Variants in LRP1B observed in about 807,000 individuals in gnomAD.
LRP1B encodes the protein LDL receptor related protein 1B.
In LRP1B, 217 loss-of-function variants were observed where a neutral mutation model predicts 556.6. The observed-to-expected ratio is 0.39, with a 90% CI of 0.35 to 0.44. The LOEUF is 0.44. LRP1B is among the 20% of genes least tolerant of loss of function. The pLI is 1.00. For synonymous variants in LRP1B, 2,047 were observed against 1,865.8 expected (o/e 1.10, Z -2.50); for missense variants, 5,053 against 5,620.8 (o/e 0.90, Z 3.23).
At chr2:140,572,704 T>C (rs1432274425) in intron 43 of LRP1B, among the ~76,000 whole-genome samples, 2 of 151,490 alleles carry the variant, frequency 1.3e-5, no homozygotes, top group East Asian at 3.9e-4. Context: ...CTATTCACAA[T>C]AGCCGAAATA....
chr2:140,802,840 G>A (rs1416281492), intron 32 of LRP1B, among the ~76,000 whole-genome samples: 1 of 152,120 alleles, frequency 6.6e-6, no homozygotes, highest in Non-Finnish European at 1.5e-5. Context: ...ACCCTCAAAG[G>A]TGCAGTTTTC....
intron 2 of LRP1B, among the ~76,000 whole-genome samples, chr2:141,544,649 A>G (rs1051224198): frequency 3.3e-5 from 5 of 151,156 alleles, no homozygotes; most frequent in African/African-American, 4.9e-5. Context: ...ATCCAGCACC[A>G]CTCAGTTTTC....
intron 79 of LRP1B, among the ~76,000 whole-genome samples, chr2:140,334,000 A>AAAAC (rs1553449061): frequency 7.3e-5 from 11 of 151,672 alleles, no homozygotes; most frequent in African/African-American, 1.2e-4. Flanking sequence ...AAAAGGCAAA[A>AAAAC]AAAACAAAAC....
chr2:140,317,509 G>T lies in LRP1B; in HGVS notation c.12641-2410C>A, dbSNP rs1684577086. Among the ~76,000 whole-genome samples, 3 of 149,894 alleles carry T rather than the reference G, an allele frequency of 2.0e-5. No individual in the cohort carries two copies. In the South Asian group the frequency reaches 6.2e-4, roughly 31 times the overall value. On this transcript the variant is annotated intron_variant, in intron 82 of 90. Transcript: ENST00000389484. ...TGATGGGAAATGGAGGGGTAGTTTT[G>T]AGGTGGCATACTAAATTGAAGATGC... is the stretch of plus-strand genomic sequence containing the variant.
At chr2:142,095,483 A>AT (rs1336163417) in intron 1 of LRP1B, among the ~76,000 whole-genome samples, 2 of 151,604 alleles carry the variant, frequency 1.3e-5, no homozygotes, top group Admixed American at 6.6e-5. Context: ...GTATCCTTTA[A>AT]TTTTTTTCAT....
chr2:141,801,076 T>C (rs1695990580), intron 2 of LRP1B, among the ~76,000 whole-genome samples: 1 of 152,164 alleles, frequency 6.6e-6, no homozygotes, highest in African/African-American at 2.4e-5. Flanking sequence ...CATTTCTTTT[T>C]ACTGTCAAAT....
intron 1 of LRP1B, among the ~76,000 whole-genome samples, chr2:141,835,048 C>A (rs1274452620): frequency 3.3e-5 from 5 of 151,836 alleles, no homozygotes; most frequent in African/African-American, 1.2e-4. Context: ...TAAATAGAAA[C>A]AATGTTACCA....
At chr2:140,651,383 G>A (rs1167580511) in intron 41 of LRP1B, among the ~76,000 whole-genome samples, 8 of 146,172 alleles carry the variant, frequency 5.5e-5, no homozygotes, top group East Asian at 2.1e-4. Context: ...GGATAGCATC[G>A]GGAGATATAC....
intron 35 of LRP1B, among the ~76,000 whole-genome samples, chr2:140,734,680 C>A (rs1687886185): frequency 6.6e-6 from 1 of 152,092 alleles, no homozygotes; most frequent in Admixed American, 6.6e-5. Flanking sequence ...CAGATGGTCC[C>A]AGCTTCTGTG....
In LRP1B at chr2:140,701,691, C is replaced by T. The variant is rs372770885; in HGVS notation, c.6427+30G>A. ...TTGGAGAGAAATCACATAAAATATA[C>T]ATATTATGTATTCTTTCAAGAGTGC... On this transcript the variant is annotated intron_variant, in intron 40 of 90. Coordinates refer to ENST00000389484, the MANE Select transcript of LRP1B (RefSeq NM_018557.3). The T allele has an allele frequency of 2.1e-5, 33 of 1,581,012 alleles. No homozygotes were observed. The African/African-American group carries it at 3.4e-4, about 16-fold the overall frequency.
At chr2:140,956,808 C>T (rs889241314) in intron 18 of LRP1B, among the ~76,000 whole-genome samples, 1 of 151,562 alleles carries the variant, frequency 6.6e-6, no homozygotes, top group African/African-American at 2.4e-5. Flanking sequence ...GACTGTATTG[C>T]CAATTAATGT....
At chr2:140,904,931 C>T (rs1300414625) in intron 22 of LRP1B, among the ~76,000 whole-genome samples, 1 of 152,074 alleles carries the variant, frequency 6.6e-6, no homozygotes, top group Non-Finnish European at 1.5e-5. Flanking sequence ...CTAATCCTAT[C>T]TGTGGAATGA....
chr2:141,657,779 T>C (rs569675355), intron 2 of LRP1B, among the ~76,000 whole-genome samples: 1 of 152,318 alleles, frequency 6.6e-6, no homozygotes, highest in African/African-American at 2.4e-5. Flanking sequence ...GATCAATCTA[T>C]AGTTTTATAG....
At chr2:141,635,047 A>ACACACAC (rs35004868) in intron 2 of LRP1B, among the ~76,000 whole-genome samples, 69 of 150,026 alleles carry the variant, frequency 4.6e-4, no homozygotes, top group African/African-American at 1.6e-3. Flanking sequence ...ACTATAGTGA[A>ACACACAC]ACACACACAC....
intron 23 of LRP1B, among the ~76,000 whole-genome samples, chr2:140,897,360 A>C (rs555008477): frequency 6.6e-6 from 1 of 152,288 alleles, no homozygotes; most frequent in East Asian, 1.9e-4. Flanking sequence ...CACAGTAACC[A>C]TAACCTGTCT....
chr2:141,815,103 G>A (rs1460201286), intron 1 of LRP1B, among the ~76,000 whole-genome samples: 1 of 152,124 alleles, frequency 6.6e-6, no homozygotes, highest in Non-Finnish European at 1.5e-5. Flanking sequence ...AGAGAGACTA[G>A]AGGCCCAAGA....
At chr2:140,934,033 T>A (rs1451935911) in intron 20 of LRP1B, among the ~76,000 whole-genome samples, 3 of 152,110 alleles carry the variant, frequency 2.0e-5, no homozygotes, top group African/African-American at 7.2e-5. Context: ...AGTGGTATTA[T>A]ATTCTAAGGA....
At chr2:141,135,392 T>C (rs1358483086) in intron 7 of LRP1B, among the ~76,000 whole-genome samples, 1 of 151,982 alleles carries the variant, frequency 6.6e-6, no homozygotes, top group Admixed American at 6.6e-5. Context: ...TGGCATTTTA[T>C]ATATAATTCC....
At chr2:141,195,736 CTA>C (rs1681722405) in intron 6 of LRP1B, among the ~76,000 whole-genome samples, 1 of 152,112 alleles carries the variant, frequency 6.6e-6, no homozygotes, top group African/African-American at 2.4e-5. Context: ...AATGTCTGCT[CTA>C]TTTTATCAAA....
Sources: gnomAD v4.1 joint callset for allele counts (sites outside exome capture counted in the v4.1 genomes callset) on GRCh38, gnomAD v4.1.1 for gene constraint, MANE v1.5 for transcripts, NCBI Gene and HGNC (gene_info 2026-07-23, HGNC 2026-07-21) for gene names.